SLC12A8: variants seen among roughly 807,000 people sequenced by gnomAD.
SLC12A8 encodes solute carrier family 12 member 8.
A neutral mutation model predicts 75.6 loss-of-function variants in SLC12A8; 69 were observed. The observed-to-expected ratio is 0.91, with a 90% CI of 0.75 to 1.11. SLC12A8 has a LOEUF of 1.11. Among genes scored for constraint, SLC12A8 ranks in the 50% most tolerant of loss-of-function variants. The pLI, the probability that SLC12A8 is intolerant of heterozygous loss-of-function variation, is 0.00. For missense variants in SLC12A8, 877 were observed against 896.7 expected, an observed-to-expected ratio of 0.98 and a Z score of 0.28; for synonymous variants, 365 against 372.8, an observed-to-expected ratio of 0.98 and a Z score of 0.24.
intron 2 of SLC12A8, chr3:125,192,751 G>T (rs1934930995): frequency 6.5e-6 from 1 of 154,410 alleles, no homozygotes; most frequent in African/African-American, 2.4e-5. Context: ...CTGGCAGCTT[G>T]TTTCAGGATA....
At chr3:125,207,006 G>A (rs1700913267) in intron 2 of SLC12A8, among the ~76,000 whole-genome samples, 1 of 152,202 alleles carries the variant, frequency 6.6e-6, no homozygotes, top group Non-Finnish European at 1.5e-5. Flanking sequence ...CATAAGATTT[G>A]GTGGGGACAC....
intron 3 of SLC12A8, among the ~76,000 whole-genome samples, chr3:125,189,928 G>A (rs544035571): frequency 2.6e-5 from 4 of 152,228 alleles, no homozygotes; most frequent in Non-Finnish European, 4.4e-5. Flanking sequence ...AGAGGTAGGC[G>A]GCCCACACCT....
chr3:125,122,049 T>G (rs1297556334), intron 6 of SLC12A8, among the ~76,000 whole-genome samples: 1 of 152,146 alleles, frequency 6.6e-6, no homozygotes, highest in Non-Finnish European at 1.5e-5. Context: ...GTTAAATAAG[T>G]GATGATATAG....
chr3:125,181,607 C>CAAAA (rs67602083), intron 4 of SLC12A8, among the ~76,000 whole-genome samples: 9 of 67,588 alleles, frequency 1.3e-4, no homozygotes, highest in Non-Finnish European at 2.1e-4. Context: ...GACTCCGTCT[C>CAAAA]AAAAAAAAAA....
chr3:125,174,701 T>C (rs922288448), intron 5 of SLC12A8, among the ~76,000 whole-genome samples: 8 of 152,178 alleles, frequency 5.3e-5, no homozygotes, highest in Non-Finnish European at 8.8e-5. Flanking sequence ...TGCATATTAC[T>C]AGTGAAAGAA....
chr3:125,178,727 A>G lies in SLC12A8; in HGVS notation c.391-753T>C, dbSNP rs372307689. Reference sequence around the variant, plus strand: ...ACCCAGCAATCTTATCCTAACATTTATTTATTCAACTGCCTAGTTATGAAT... The same window carrying G: ...ACCCAGCAATCTTATCCTAACATTTGTTTATTCAACTGCCTAGTTATGAAT... On this transcript the variant is annotated intron_variant, in intron 4 of 13. Coordinates refer to ENST00000469902, the MANE Select transcript of SLC12A8 (RefSeq NM_024628.6). Among the ~76,000 whole-genome samples, 19 of 152,320 alleles carry G rather than the reference A, an allele frequency of 1.2e-4. No individual in the cohort carries two copies. In the South Asian group the frequency reaches 2.1e-3, roughly 17 times the overall value.
At position 125,100,556 on chromosome 3, in the gene SLC12A8, T is replaced by C. The variant is rs561821764; in HGVS notation, c.1705+6925A>G. On this transcript the variant is annotated intron_variant, in intron 10 of 13. Coordinates refer to ENST00000469902, the MANE Select transcript of SLC12A8 (RefSeq NM_024628.6). The stretch of plus-strand genomic sequence containing the variant: ...CTAAGTAGCTGGGATTACAGGCATG[T>C]GCCACCATGCCCGGCTAATTTTTGT... 1.3e-4 allele frequency among the ~76,000 whole-genome samples: 19 copies of C among 151,532 alleles called. No homozygotes were observed. The South Asian group carries it at 1.9e-3, about 15-fold the overall frequency.
At chr3:125,193,321 G>T (rs538170797) in intron 2 of SLC12A8, among the ~76,000 whole-genome samples, 2 of 152,338 alleles carry the variant, frequency 1.3e-5, no homozygotes, top group African/African-American at 4.8e-5. Context: ...AGTGAGCCGA[G>T]ATTGCACCAC....
intron 2 of SLC12A8, among the ~76,000 whole-genome samples, chr3:125,200,856 T>C (rs1417829246): frequency 2.0e-5 from 3 of 152,220 alleles, no homozygotes; most frequent in African/African-American, 7.2e-5. Context: ...CGGAGACTCA[T>C]GGTAGAGCAG....
chr3:125,159,574 G>T (rs1055013182), intron 5 of SLC12A8, among the ~76,000 whole-genome samples: 4 of 152,156 alleles, frequency 2.6e-5, no homozygotes, highest in African/African-American at 9.7e-5. Context: ...CCCTCCAAAT[G>T]CTCAGAGGTC....
intron 2 of SLC12A8, among the ~76,000 whole-genome samples, chr3:125,194,214 C>T (rs571686097): frequency 6.6e-5 from 10 of 152,320 alleles, no homozygotes; most frequent in Middle Eastern, 3.4e-3. Flanking sequence ...TCCAGGGGTG[C>T]GGCGACTTGG....
intron 10 of SLC12A8, among the ~76,000 whole-genome samples, chr3:125,100,840 C>T (rs1230653201): frequency 1.4e-5 from 2 of 147,696 alleles, no homozygotes; most frequent in East Asian, 4.0e-4. Context: ...GGTGAAACCC[C>T]GTCTCTACTA....
chr3:125,188,887 G>A (rs1934852666), intron 3 of SLC12A8, among the ~76,000 whole-genome samples: 1 of 152,212 alleles, frequency 6.6e-6, no homozygotes, highest in Admixed American at 6.5e-5. Context: ...GGTGTAGAAT[G>A]AGAGCTTAGG....
At chr3:125,178,612 A>G (rs1027511365) in intron 4 of SLC12A8, among the ~76,000 whole-genome samples, 8 of 152,230 alleles carry the variant, frequency 5.3e-5, no homozygotes, top group South Asian at 2.1e-4. Flanking sequence ...TTTTTCCAGT[A>G]CAGATGCAAA....
intron 2 of SLC12A8, among the ~76,000 whole-genome samples, chr3:125,210,439 C>T (rs1296781516): frequency 1.3e-5 from 2 of 152,128 alleles, no homozygotes; most frequent in Non-Finnish European, 2.9e-5. Context: ...CTGAGTGGTG[C>T]ACATGAGGAG....
intron 9 of SLC12A8, 149 bp downstream of exon 9, chr3:125,110,040 A>G (rs1413203678): frequency 1.0e-5 from 9 of 876,330 alleles, no homozygotes; most frequent in Non-Finnish European, 1.6e-5. Flanking sequence ...CAGGGCTGAA[A>G]GAAATGACCT....
chr3:125,171,926 TA>T lies in SLC12A8; in HGVS notation c.622+5816del, dbSNP rs1274525303. 4.6e-3 allele frequency among the ~76,000 whole-genome samples: 8 copies of T among 1,724 alleles called. 2 individuals are homozygous for T. Among genetic ancestry groups the T allele is most frequent in the South Asian group, 0.024 (3 of 126 alleles). The allele number at this position is 1,724 out of a possible 152,430, so 1.1% of individuals were successfully genotyped here. On this transcript the variant is annotated intron_variant, in intron 5 of 13. Coordinates refer to ENST00000469902, the MANE Select transcript of SLC12A8 (RefSeq NM_024628.6). ...TAGAGTATAATAAAAAAAAAAAAAT[TA>T]AAAAAAAAAAAAGAAAATTAAAAAG...
intron 13 of SLC12A8, 186 bp downstream of exon 13, chr3:125,088,124 G>C: frequency 1.7e-6 from 1 of 592,300 alleles, no homozygotes; most frequent in Non-Finnish European, 3.1e-6. Context: ...CTGATGAGCC[G>C]AATCTGGGGG....
rs143464604 is a variant in SLC12A8, at chr3:125,201,627, A to G, written c.51+9672T>C. Among the ~76,000 whole-genome samples, 241 of 151,168 alleles carry G rather than the reference A, an allele frequency of 1.6e-3. 2 individuals are homozygous for G. The highest frequency in any genetic ancestry group is 5.2e-3 in the African/African-American group (213 of 41,116). ...GCCTCTACAAAATATTTTTAAAATA[A>G]CCAGGCATGGTGGCATGCACCTGTG... On this transcript the variant is annotated intron_variant, in intron 2 of 13. Coordinates refer to ENST00000469902, the MANE Select transcript of SLC12A8 (RefSeq NM_024628.6).
Sources: allele counts gnomAD v4.1 joint callset (sites outside exome capture counted in the v4.1 genomes callset), GRCh38; gene constraint gnomAD v4.1.1; transcripts MANE v1.5; gene names NCBI Gene and HGNC (gene_info 2026-07-23, HGNC 2026-07-21).